Variants in NAALADL2 observed in about 807,000 individuals in gnomAD.
The protein encoded by NAALADL2 is inactive N-acetylated-alpha-linked acidic dipeptidase-like protein 2.
In NAALADL2, 76 loss-of-function variants were observed where a neutral mutation model predicts 87.2. The observed-to-expected ratio is 0.87, with a 90% confidence interval of 0.72 to 1.05. The LOEUF (loss-of-function observed/expected upper bound fraction) is 1.05, where lower values mean the gene tolerates loss of function less well. NAALADL2 is among the 50% of genes least tolerant of loss of function. The probability of loss-of-function intolerance (pLI) is 0.00; values close to 1 mark genes in which losing one functional copy is unlikely to be tolerated. For missense variants in NAALADL2, 1,089 were observed against 945.8 expected, an observed-to-expected ratio of 1.15 and a Z score of -1.99; for synonymous variants, 354 against 331.0, an observed-to-expected ratio of 1.07 and a Z score of -0.75.
chr3:175,182,550 GTTTTTTTTTTTTTTTTT>G (rs1161831796), intron 2 of NAALADL2, among the ~76,000 whole-genome samples: 1 of 69,440 alleles, frequency 1.4e-5, no homozygotes, highest in African/African-American at 6.0e-5. Flanking sequence ...ACCACAGCCA[GTTTTTTTTTTTTTTTTT>G]TTTTTTTTTT....
rs868842248 is a variant in NAALADL2 at position 175,588,563 on chromosome 3, G to C, written c.1800+12376G>C. 2.5e-4 allele frequency among the ~76,000 whole-genome samples: 21 copies of C among 82,798 alleles called. 1 individual carries two copies. The South Asian group carries it at 3.8e-3, about 15-fold the overall frequency. The allele number at this position is 82,798 out of a possible 152,430, so 54.3% of individuals were successfully genotyped here. On this transcript the variant is annotated intron_variant, in intron 10 of 13. Coordinates refer to ENST00000454872, the MANE Select transcript of NAALADL2 (RefSeq NM_207015.3). Reference sequence around the variant, plus strand: ...TTTTTTTTTTTTTTTTTTTGAGATGGAATCTTGCTCTGTCGCCGAGGCTGG... The same window carrying C: ...TTTTTTTTTTTTTTTTTTTGAGATGCAATCTTGCTCTGTCGCCGAGGCTGG...
At chr3:175,527,434 C>T (rs1733569246) in intron 9 of NAALADL2, among the ~76,000 whole-genome samples, 1 of 152,090 alleles carries the variant, frequency 6.6e-6, no homozygotes, top group African/African-American at 2.4e-5. Flanking sequence ...CTCAACTAAA[C>T]CAAAATATAC....
chr3:174,856,170 T>C (rs962876451), upstream of NAALADL2, among the ~76,000 whole-genome samples: 8 of 151,970 alleles, frequency 5.3e-5, no homozygotes, highest in African/African-American at 1.9e-4. Context: ...CATGCCCAGA[T>C]AATTTTTGTA....
chr3:175,416,120 T>G (rs1235978903), intron 5 of NAALADL2, among the ~76,000 whole-genome samples: 4 of 151,940 alleles, frequency 2.6e-5, no homozygotes, highest in Non-Finnish European at 5.9e-5. Flanking sequence ...AGACCTCATC[T>G]TAAAATAAAT....
chr3:174,637,856 AT>A (rs1455980127), intron 2 of NAALADL2, among the ~76,000 whole-genome samples: 2 of 151,790 alleles, frequency 1.3e-5, no homozygotes, highest in Non-Finnish European at 2.9e-5. Context: ...CTAAAACTTT[AT>A]TTTTTTTCAA....
chr3:174,487,974 T>C (rs1717959955), intron 1 of NAALADL2, among the ~76,000 whole-genome samples: 1 of 151,942 alleles, frequency 6.6e-6, no homozygotes, highest in Non-Finnish European at 1.5e-5. Flanking sequence ...GACATTAAAA[T>C]TGTCAAGTTT....
intron 4 of NAALADL2, among the ~76,000 whole-genome samples, chr3:175,314,316 A>G (rs1411645971): frequency 1.3e-5 from 2 of 151,498 alleles, no homozygotes; most frequent in Non-Finnish European, 2.9e-5. Context: ...GCAGTTGGCC[A>G]AAAATATTTT....
intron 5 of NAALADL2, among the ~76,000 whole-genome samples, chr3:175,349,910 T>G (rs936610024): frequency 3.9e-5 from 6 of 152,056 alleles, no homozygotes; most frequent in Non-Finnish European, 8.8e-5. Context: ...GGATGGAAAG[T>G]TGGATGACTG....
At chr3:175,749,716 C>T (rs1746390375) in intron 12 of NAALADL2, among the ~76,000 whole-genome samples, 1 of 152,186 alleles carries the variant, frequency 6.6e-6, no homozygotes, top group Admixed American at 6.5e-5. Flanking sequence ...ACAAACTTAT[C>T]CATAGCATAC....
At chr3:174,900,952 T>C (rs1442229523) in intron 1 of NAALADL2, among the ~76,000 whole-genome samples, 1 of 152,086 alleles carries the variant, frequency 6.6e-6, no homozygotes, top group Non-Finnish European at 1.5e-5. Context: ...GAAAATATAA[T>C]TTTGCAAAAA....
intron 11 of NAALADL2, among the ~76,000 whole-genome samples, chr3:175,721,855 T>G (rs903937448): frequency 2.6e-5 from 4 of 152,104 alleles, no homozygotes; most frequent in Admixed American, 2.6e-4. Context: ...CTGGAGAAGT[T>G]AGAGCATAAT....
At chr3:175,608,308 G>C (rs1442022871) in intron 10 of NAALADL2, among the ~76,000 whole-genome samples, 1 of 150,236 alleles carries the variant, frequency 6.7e-6, no homozygotes. Context: ...TTAAAATATT[G>C]TTCCTCTTTT....
At chr3:174,925,990 A>G (rs1448062375) in intron 1 of NAALADL2, among the ~76,000 whole-genome samples, 2 of 152,174 alleles carry the variant, frequency 1.3e-5, no homozygotes, top group Non-Finnish European at 1.5e-5. Context: ...AACTAGAATA[A>G]CCAGTGTAGA....
chr3:175,547,564 C>A (rs765470077), intron 9 of NAALADL2, among the ~76,000 whole-genome samples: 4 of 152,026 alleles, frequency 2.6e-5, no homozygotes, highest in Non-Finnish European at 5.9e-5. Flanking sequence ...AAAATGGAAT[C>A]TAATTAAACT....
chr3:174,566,681 A>C (rs79345996), intron 2 of NAALADL2, among the ~76,000 whole-genome samples: 60 of 151,436 alleles, frequency 4.0e-4, no homozygotes, highest in African/African-American at 1.3e-3. Flanking sequence ...CTGTGCTCCA[A>C]CTACTTAATT....
chr3:175,499,660 AATT>A, intron 9 of NAALADL2, among the ~76,000 whole-genome samples: 1 of 152,098 alleles, frequency 6.6e-6, no homozygotes, highest in East Asian at 1.9e-4. Flanking sequence ...GGCATTTCAA[AATT>A]ATTCTTTTTG....
chr3:174,762,638 A>G (rs929340299), intron 3 of NAALADL2, among the ~76,000 whole-genome samples: 2 of 152,020 alleles, frequency 1.3e-5, no homozygotes, highest in African/African-American at 4.8e-5. Flanking sequence ...TCTAAGTCAG[A>G]CTTGGGGCCC....
At chr3:175,371,631 C>G (rs1176017904) in intron 5 of NAALADL2, among the ~76,000 whole-genome samples, 1 of 151,680 alleles carries the variant, frequency 6.6e-6, no homozygotes, top group Non-Finnish European at 1.5e-5. Flanking sequence ...TCAAGAGTAG[C>G]CTGGCCAAGA....
intron 2 of NAALADL2, among the ~76,000 whole-genome samples, chr3:174,557,600 A>G (rs2108504615): frequency 6.6e-6 from 1 of 152,248 alleles, no homozygotes; most frequent in East Asian, 1.9e-4. Flanking sequence ...TTGTTTGTTA[A>G]TCTGCTCATG....
Sources: allele counts gnomAD v4.1 joint callset (sites outside exome capture counted in the v4.1 genomes callset), GRCh38; gene constraint gnomAD v4.1.1; transcripts MANE v1.5; gene names NCBI Gene and HGNC (gene_info 2026-07-23, HGNC 2026-07-21).